ARHGAP24: variants seen among roughly 807,000 people sequenced by gnomAD.
ARHGAP24 encodes Rho GTPase activating protein 24, also known as rho GTPase-activating protein 24.
Under a neutral mutation model 76.4 loss-of-function variants are expected in ARHGAP24, and 50 were observed. The observed-to-expected ratio is 0.65, with a 90% CI of 0.52 to 0.83. ARHGAP24 has a LOEUF of 0.83. ARHGAP24 is among the 40% of genes least tolerant of loss of function. ARHGAP24 has a pLI of 0.00. For synonymous variants in ARHGAP24, 345 were observed against 323.3 expected (o/e 1.07, Z -0.72); for missense variants, 930 against 914.2 (o/e 1.02, Z -0.22).
At chr4:85,499,240 CCTT>C (rs1332318478) in intron 1 of ARHGAP24, among the ~76,000 whole-genome samples, 1 of 152,098 alleles carries the variant, frequency 6.6e-6, no homozygotes, top group Non-Finnish European at 1.5e-5. Context: ...AAATGTATGA[CCTT>C]CTAAGTGACT....
At chr4:85,859,352 T>C (rs1206445386) in intron 3 of ARHGAP24, among the ~76,000 whole-genome samples, 1 of 152,126 alleles carries the variant, frequency 6.6e-6, no homozygotes, top group Non-Finnish European at 1.5e-5. Context: ...TTAGGAGTTA[T>C]TTCATAAACT....
At chr4:85,617,794 T>C (rs572553585) in intron 2 of ARHGAP24, among the ~76,000 whole-genome samples, 1 of 152,302 alleles carries the variant, frequency 6.6e-6, no homozygotes, top group South Asian at 2.1e-4. Context: ...ATTTTATCAA[T>C]TTACATTGCC....
intron 3 of ARHGAP24, among the ~76,000 whole-genome samples, chr4:85,876,262 G>T (rs1275227977): frequency 6.6e-6 from 1 of 152,092 alleles, no homozygotes; most frequent in Non-Finnish European, 1.5e-5. Flanking sequence ...CTTACTTCTT[G>T]TCAGACCTGA....
intron 9 of ARHGAP24, 179 bp from the exon 10 acceptor site, chr4:86,000,300 G>C: frequency 1.8e-6 from 1 of 551,478 alleles, no homozygotes; most frequent in Non-Finnish European, 3.2e-6. Flanking sequence ...TTAGCAAACA[G>C]TAAAATAATA....
intron 3 of ARHGAP24, among the ~76,000 whole-genome samples, chr4:85,866,803 G>A (rs1732223355): frequency 6.6e-6 from 1 of 152,090 alleles, no homozygotes; most frequent in Admixed American, 6.6e-5. Context: ...ACATCACAGT[G>A]TCTGTTCCCA....
intron 2 of ARHGAP24, among the ~76,000 whole-genome samples, chr4:85,610,100 T>A (rs1188072729): frequency 1.3e-5 from 2 of 152,102 alleles, no homozygotes; most frequent in Non-Finnish European, 2.9e-5. Flanking sequence ...GCCAACTTCT[T>A]ATTGCTCAGG....
intron 3 of ARHGAP24, among the ~76,000 whole-genome samples, chr4:85,765,775 C>T (rs1310106010): frequency 6.6e-6 from 1 of 152,084 alleles, no homozygotes; most frequent in African/African-American, 2.4e-5. Flanking sequence ...ACCAGCTTTT[C>T]CTATGAAAAG....
chr4:85,657,060 T>C (rs2109987980), intron 2 of ARHGAP24, among the ~76,000 whole-genome samples: 1 of 152,330 alleles, frequency 6.6e-6, no homozygotes, highest in African/African-American at 2.4e-5. Flanking sequence ...TTGGAACAAT[T>C]TTCTATTGAC....
chr4:85,570,388 TTCTTTCTTTCTTTCTTTCTTTCTTTC>T, intron 1 of ARHGAP24, 108 bp from the exon 2 acceptor site: 50 of 17,222 alleles, frequency 2.9e-3, no homozygotes, highest in South Asian at 6.1e-3. Flanking sequence ...CTTTCTTTCT[TTCTTTCTTTCTTTCTTTCTTTCTTTC>T]TTTCCTCTCT....
At chr4:85,567,196 G>T (rs60890009) in intron 1 of ARHGAP24, among the ~76,000 whole-genome samples, 8,042 of 152,146 alleles carry the variant, frequency 0.053, 672 homozygotes, top group African/African-American at 0.18. Flanking sequence ...ATCTTTAAAA[G>T]CTCGCTTTGG....
intron 1 of ARHGAP24, among the ~76,000 whole-genome samples, chr4:85,485,397 A>G (rs1258044202): frequency 2.4e-5 from 3 of 122,656 alleles, no homozygotes; most frequent in East Asian, 2.3e-4. Context: ...ATATATATAT[A>G]TATATATATA....
chr4:85,553,675 C>T (rs2869355), intron 1 of ARHGAP24, among the ~76,000 whole-genome samples: 87,610 of 151,918 alleles, frequency 0.58, 26,717 homozygotes, highest in Non-Finnish European at 0.68. Flanking sequence ...AGTCCCCAGC[C>T]GACCCAGAAG....
At chr4:85,988,387 G>A (rs1043723289) in intron 8 of ARHGAP24, among the ~76,000 whole-genome samples, 3 of 151,716 alleles carry the variant, frequency 2.0e-5, no homozygotes, top group Non-Finnish European at 3.0e-5. Context: ...GAAATGAAAT[G>A]TATGACAACG....
intron 1 of ARHGAP24, among the ~76,000 whole-genome samples, chr4:85,515,026 G>A (rs1445722124): frequency 6.6e-6 from 1 of 151,864 alleles, no homozygotes; most frequent in Non-Finnish European, 1.5e-5. Context: ...TGGGCAGCTG[G>A]GACAACATCC....
At chr4:85,762,216 C>T (rs554678381) in intron 3 of ARHGAP24, among the ~76,000 whole-genome samples, 8 of 152,262 alleles carry the variant, frequency 5.3e-5, no homozygotes, top group South Asian at 2.1e-4. Context: ...AGCTACATTA[C>T]GGAGCAACCA....
chr4:85,875,733 TA>T (rs1046568447), intron 3 of ARHGAP24, among the ~76,000 whole-genome samples: 4 of 138,728 alleles, frequency 2.9e-5, no homozygotes, highest in South Asian at 2.1e-4. Flanking sequence ...TATACATATA[TA>T]TATTTTTGGT....
chr4:85,716,538 G>A (rs1724739850), intron 2 of ARHGAP24, among the ~76,000 whole-genome samples: 1 of 152,000 alleles, frequency 6.6e-6, no homozygotes, highest in Admixed American at 6.6e-5. Context: ...TTGTACTTGA[G>A]CCTCTTCTCT....
chr4:85,562,311 A>G (rs1450067361), intron 1 of ARHGAP24, among the ~76,000 whole-genome samples: 1 of 152,230 alleles, frequency 6.6e-6, no homozygotes, highest in Admixed American at 6.5e-5. Context: ...GATTACTATG[A>G]TAGTAATCAA....
chr4:85,606,991 ATGGATTGC>A (rs1365692389), intron 2 of ARHGAP24, among the ~76,000 whole-genome samples: 1 of 152,252 alleles, frequency 6.6e-6, no homozygotes, highest in African/African-American at 2.4e-5. Flanking sequence ...TACTTCCTTC[ATGGATTGC>A]TAGAACTTTA....
Sources: allele counts gnomAD v4.1 joint callset (sites outside exome capture counted in the v4.1 genomes callset), GRCh38; gene constraint gnomAD v4.1.1; transcripts MANE v1.5; gene names NCBI Gene and HGNC (gene_info 2026-07-23, HGNC 2026-07-21).